The following CCDC33 variants were observed in gnomAD, a reference collection of about 807,000 sequenced individuals.
CCDC33 encodes the protein coiled-coil domain containing 33.
CCDC33 carries 94 observed loss-of-function variants against 91.9 expected under a neutral mutation model. The observed-to-expected ratio is 1.02, with a 90% confidence interval of 0.87 to 1.21. The LOEUF (loss-of-function observed/expected upper bound fraction) is 1.21. CCDC33 is among the 50% of genes most tolerant of loss of function. The probability of loss-of-function intolerance (pLI) is 0.00; values close to 1 mark genes in which losing one functional copy is unlikely to be tolerated. For synonymous variants in CCDC33, 396 were observed against 374.5 expected, an observed-to-expected ratio of 1.06 and a Z score of -0.66; for missense variants, 940 against 935.5, an observed-to-expected ratio of 1.00 and a Z score of -0.06.
chr15:74,262,293 G>A, intron 2 of CCDC33, 147 bp from the exon 3 acceptor site: 1 of 1,044,624 alleles, frequency 9.6e-7, no homozygotes, highest in Non-Finnish European at 1.4e-6. Context: ...GGAGAGGCCT[G>A]GGATGACACA....
intron 2 of CCDC33, among the ~76,000 whole-genome samples, chr15:74,260,552 A>T (rs1695969515): frequency 6.6e-6 from 1 of 152,218 alleles, no homozygotes; most frequent in Admixed American, 6.5e-5. Context: ...GGAGCTGAAC[A>T]TGCTTTCTTT....
intron 2 of CCDC33, among the ~76,000 whole-genome samples, chr15:74,230,620 A>G (rs1427712987): frequency 6.6e-6 from 1 of 152,160 alleles, no homozygotes; most frequent in African/African-American, 2.4e-5. Flanking sequence ...GCGTTGTCCA[A>G]CAACGAGAAC....
chr15:74,330,931 G>T, intron 13 of CCDC33, 50 bp from the exon 14 acceptor site: 1 of 1,548,320 alleles, frequency 6.5e-7, no homozygotes, highest in South Asian at 1.3e-5. Context: ...GGGCCAAGGT[G>T]GACTCCCAGG....
At chr15:74,207,820 C>G (rs1408407237) in intron 1 of CCDC33, 2 of 1,535,196 alleles carry the variant, frequency 1.3e-6, no homozygotes, top group Admixed American at 2.0e-5. Flanking sequence ...ATCCAACTGC[C>G]CTTCGCACAC....
At position 74,272,935 on chromosome 15, in the gene CCDC33, ACACATT is replaced by A. The variant is rs555727171; in HGVS notation, c.759+48_759+53del. ...GGTTCCAGCTTCCTGTAACTACCCCACACATTCACTGTTCACTCACTCAGTGAGTCA... is the reference window on the plus strand; with the variant it reads ...GGTTCCAGCTTCCTGTAACTACCCCACACTGTTCACTCACTCAGTGAGTCA... On this transcript the variant is annotated intron_variant, in intron 7 of 18. Coordinates refer to ENST00000398814, the MANE Select transcript of CCDC33 (RefSeq NM_025055.5). 158 of 1,611,150 alleles carry A rather than the reference ACACATT, an allele frequency of 9.8e-5. 1 individual carries two copies. In the South Asian group the frequency reaches 1.6e-3, roughly 16 times the overall value.
At position 74,225,117 on chromosome 15, in the gene CCDC33, C is replaced by CGTGTGTGTGTGT. The variant is rs3057568; in HGVS notation, c.675+6284_675+6295dup. Among the ~76,000 whole-genome samples, 360 of 139,932 alleles carry CGTGTGTGTGTGT rather than the reference C, an allele frequency of 2.6e-3. 1 individual carries two copies. Among genetic ancestry groups the CGTGTGTGTGTGT allele is most frequent in the African/African-American group, 8.1e-3 (296 of 36,544 alleles). The allele number at this position is 139,932 out of a possible 152,430, so 91.8% of individuals were successfully genotyped here. Reference sequence around the variant, plus strand: ...GACGCTGACTCACACCTCCTGGAGGCGTGTGTGTGTGTGTGTGTGTGTGTG... The same window carrying CGTGTGTGTGTGT: ...GACGCTGACTCACACCTCCTGGAGGCGTGTGTGTGTGTGTGTGTGTGTGTGTGTGTGTGTGTG... On this transcript the variant is annotated intron_variant, in intron 2 of 2. Transcript: ENST00000635913.
At chr15:74,211,872 CCTT>C (rs1323016147) in intron 2 of CCDC33, among the ~76,000 whole-genome samples, 1 of 152,092 alleles carries the variant, frequency 6.6e-6, no homozygotes, top group Non-Finnish European at 1.5e-5. Context: ...CTCTCCTCCT[CCTT>C]CTTTCTCTGT....
At chr15:74,322,330 G>T (rs557985091) in intron 11 of CCDC33, among the ~76,000 whole-genome samples, 1 of 152,328 alleles carries the variant, frequency 6.6e-6, no homozygotes, top group Non-Finnish European at 1.5e-5. Flanking sequence ...GGCTGGGTGG[G>T]CCTCGCTCTC....
At chr15:74,273,564 G>A (rs538942176) in intron 7 of CCDC33, among the ~76,000 whole-genome samples, 4 of 152,112 alleles carry the variant, frequency 2.6e-5, no homozygotes, top group African/African-American at 9.6e-5. Context: ...TGCCTCCCGG[G>A]TTCAAGCAAT....
chr15:74,217,228 G>A, exon 1 of CCDC33: 1 of 1,215,076 alleles, frequency 8.2e-7, no homozygotes, highest in South Asian at 1.5e-5. Context: ...GGCTGTGGGT[G>A]AGAGGGTGCA....
At chr15:74,217,604 G>T in intron 1 of CCDC33, 2 of 1,200,184 alleles carry the variant, frequency 1.7e-6, no homozygotes, top group Non-Finnish European at 2.1e-6. Context: ...GGTGGGGTTT[G>T]GGGGAGAGAA....
chr15:74,255,346 G>C (rs895969153), intron 2 of CCDC33, among the ~76,000 whole-genome samples: 57 of 152,356 alleles, frequency 3.7e-4, no homozygotes, highest in African/African-American at 1.4e-3. Flanking sequence ...CCCACGACTG[G>C]TGAGCCTGAA....
At chr15:74,327,576 A>G (rs1000707746) in intron 11 of CCDC33, among the ~76,000 whole-genome samples, 2 of 152,190 alleles carry the variant, frequency 1.3e-5, no homozygotes, top group African/African-American at 4.8e-5. Context: ...CAGAGTTTGC[A>G]GAGAGCCAAG....
chr15:74,330,493 ACACT>A lies in CCDC33; in HGVS notation c.1456+143_1456+146del. 15 of 1,129,542 alleles carry A rather than the reference ACACT, an allele frequency of 1.3e-5. No homozygotes were observed. In the South Asian group the frequency reaches 2.0e-4, roughly 15 times the overall value. The allele number at this position is 1,129,542 out of a possible 1,614,324, so 70.0% of individuals were successfully genotyped here. A position where few individuals can be genotyped will look rare whatever the true frequency, so the allele number is the denominator to read the frequency against. The stretch of plus-strand genomic sequence containing the variant: ...GCAAATAGGAGCCCCTCGCCCACAG[ACACT>A]CACACAGTCCCTGCCCAGCTGGGTC... On this transcript the variant is annotated intron_variant, in intron 12 of 18. Coordinates refer to ENST00000398814, the MANE Select transcript of CCDC33 (RefSeq NM_025055.5).
chr15:74,312,887 C>A (rs1240749680), intron 11 of CCDC33, among the ~76,000 whole-genome samples: 1 of 152,188 alleles, frequency 6.6e-6, no homozygotes, highest in Non-Finnish European at 1.5e-5. Flanking sequence ...TGGACCCTAG[C>A]AAAACCTTCT....
At chr15:74,208,158 G>C in intron 1 of CCDC33, 1 of 767,924 alleles carries the variant, frequency 1.3e-6, no homozygotes, top group Non-Finnish European at 1.7e-6. Context: ...CCCTCCCAGA[G>C]GGCTAGGCTA....
chr15:74,313,004 G>C (rs547953628), intron 11 of CCDC33, among the ~76,000 whole-genome samples: 1 of 152,304 alleles, frequency 6.6e-6, no homozygotes, highest in South Asian at 2.1e-4. Flanking sequence ...TGGGAGGTAG[G>C]GTGTTTGTTC....
At chr15:74,233,945 T>A (rs1221384820), upstream of CCDC33, among the ~76,000 whole-genome samples, 1 of 152,086 alleles carries the variant, frequency 6.6e-6, no homozygotes, top group Non-Finnish European at 1.5e-5. Context: ...AAAGGCCAAG[T>A]CAGGAGGCGG....
At chr15:74,235,376 C>T (rs2075118163), upstream of CCDC33, among the ~76,000 whole-genome samples, 3 of 152,216 alleles carry the variant, frequency 2.0e-5, no homozygotes, top group South Asian at 6.2e-4. Context: ...GAGGCCTCTG[C>T]AAAGCCGGAG....
Sources: gnomAD v4.1 joint callset for allele counts (sites outside exome capture counted in the v4.1 genomes callset) on GRCh38, gnomAD v4.1.1 for gene constraint, MANE v1.5 for transcripts, NCBI Gene and HGNC (gene_info 2026-07-23, HGNC 2026-07-21) for gene names.